Variants in DGCR8 observed in about 807,000 individuals in gnomAD.
The protein encoded by DGCR8 is DGCR8 microprocessor complex subunit, also known as microprocessor complex subunit DGCR8.
Under a neutral mutation model 78.5 loss-of-function variants are expected in DGCR8, and 14 were observed. That is an observed-to-expected ratio of 0.18 (90% confidence interval 0.12 to 0.28). The LOEUF (loss-of-function observed/expected upper bound fraction) is 0.28. Among genes scored for constraint, DGCR8 ranks in the 10% least tolerant of loss-of-function variants. The pLI, the probability that DGCR8 is intolerant of heterozygous loss-of-function variation, is 1.00. For synonymous variants in DGCR8, 399 were observed against 402.4 expected, an observed-to-expected ratio of 0.99 and a Z score of 0.10; for missense variants, 702 against 1,022.5, an observed-to-expected ratio of 0.69 and a Z score of 4.28.
chr22:20,083,303 C>A (rs61326930), intron 1 of DGCR8, among the ~76,000 whole-genome samples: 94 of 151,550 alleles, frequency 6.2e-4, no homozygotes, highest in African/African-American at 2.3e-3. Flanking sequence ...TCCATCTCCC[C>A]CACTAAAATG....
Position 20,100,850 on chromosome 22 carries a change from A to G in DGCR8, c.1789-5327A>G, listed in dbSNP as rs544096915. 4.0e-5 allele frequency: 39 copies of G among 983,310 alleles called. No homozygotes were observed. In the South Asian group the frequency reaches 1.4e-3, roughly 34 times the overall value. 60.9% of individuals were successfully genotyped at this position (983,310 alleles called of 1,614,324 possible). On this transcript the variant is annotated intron_variant, in intron 9 of 13. Transcript: ENST00000351989. ...CTGCAGCCTGTCTGGAGCTAGCGTC[A>G]TATCTCCCCAGGTAAGGAGCTCAGT...
At position 20,106,215 on chromosome 22, in the gene DGCR8, C is replaced by T. The variant is rs145970507; in HGVS notation, c.1827C>T (p.Tyr609=). 2.1e-5 allele frequency: 34 copies of T among 1,613,932 alleles called. No individual in the cohort carries two copies. Among genetic ancestry groups the T allele is most frequent in the Admixed American group, 6.7e-5 (4 of 60,014 alleles). ...TCAGCATCGAGGACTCGCGGGTCTA[C>T]GAGCTGACCAGCAAGGCTGGGCTGT... ...NHISIEDSRV[Y]ELTSKAGLLS... Residue 609 remains tyrosine (Y), a synonymous_variant, in exon 10 of 14, where the codon TAC becomes TAT. Coordinates refer to ENST00000351989, the MANE Select transcript of DGCR8 (RefSeq NM_022720.7).
In DGCR8 at chr22:20,080,430, C is replaced by T. The variant is rs1378208603; in HGVS notation, c.-278+47C>T. 9.2e-6 allele frequency: 9 copies of T among 978,794 alleles called. No homozygotes were observed. The Admixed American group carries it at 3.1e-4, about 34-fold the overall frequency. The allele number at this position is 978,794 out of a possible 1,614,324, so 60.6% of individuals were successfully genotyped here. On this transcript the variant is annotated intron_variant, in intron 1 of 13. Transcript: ENST00000351989. ...CGCCCGCGGGCGGTTGGGCGGGCGCCGCGGCCTGCGCGAGGGCGCGCCCTT... is the reference window on the plus strand; with the variant it reads ...CGCCCGCGGGCGGTTGGGCGGGCGCTGCGGCCTGCGCGAGGGCGCGCCCTT...
chr22:20,096,706 C>A (rs2049632685), intron 9 of DGCR8, among the ~76,000 whole-genome samples: 1 of 152,188 alleles, frequency 6.6e-6, no homozygotes, highest in Admixed American at 6.5e-5. Context: ...AGCCACTAAT[C>A]TGCTTTCTGT....
Position 20,080,356 on chromosome 22 carries a change from C to T in DGCR8, c.-305C>T. The T allele has an allele frequency of 2.0e-6, 2 of 980,226 alleles. No homozygotes were observed. Among genetic ancestry groups the T allele is most frequent in the Non-Finnish European group, 2.4e-6 (2 of 827,970 alleles). 60.7% of individuals were successfully genotyped at this position (980,226 alleles called of 1,614,324 possible). A position where few individuals can be genotyped will look rare whatever the true frequency, so the allele number is the denominator to read the frequency against. On this transcript the variant is annotated 5_prime_UTR_variant, in exon 1 of 14. Transcript: ENST00000351989. Reference sequence around the variant, plus strand: ...TTCCCGGCTGTGGTTTGGCTGCGGGCGGCTTGGGCAGCCCGCGGGCGCCTC... The same window carrying T: ...TTCCCGGCTGTGGTTTGGCTGCGGGTGGCTTGGGCAGCCCGCGGGCGCCTC...
At chr22:20,100,178 T>C (rs1352322530) in intron 9 of DGCR8, 1 of 188,266 alleles carries the variant, frequency 5.3e-6, no homozygotes, top group East Asian at 1.9e-4. Context: ...GCGATTCTTC[T>C]GCCTCAGCCT....
chr22:20,109,990 C>G, intron 13 of DGCR8, 35 bp from the exon 14 acceptor site: 2 of 1,608,482 alleles, frequency 1.2e-6, no homozygotes, highest in Non-Finnish European at 1.7e-6. Context: ...CCAAGCCCAC[C>G]TCACTGGTAC....
At position 20,104,412 on chromosome 22, in the gene DGCR8, C is replaced by T. The variant is rs1285767087; in HGVS notation, c.1789-1765C>T. Among the ~76,000 whole-genome samples the T allele has an allele frequency of 2.6e-5, 4 of 152,138 alleles. No homozygotes were observed. The East Asian group carries it at 7.7e-4, about 29-fold the overall frequency. ...TCGATCTCCTGACCTCGTGATCCAC[C>T]CGCCTCGGCCTCCCAAAGTGCTGGG... On this transcript the variant is annotated intron_variant, in intron 9 of 13. Coordinates refer to ENST00000351989, the MANE Select transcript of DGCR8 (RefSeq NM_022720.7).
chr22:20,109,051 T>G, intron 13 of DGCR8, 48 bp downstream of exon 13: 1 of 987,120 alleles, frequency 1.0e-6, no homozygotes, highest in East Asian at 2.4e-5. Context: ...GCCATTCCTG[T>G]GGCACCTGTG....
At chr22:20,088,765 A>G (rs1013459827) in intron 3 of DGCR8, among the ~76,000 whole-genome samples, 2 of 151,350 alleles carry the variant, frequency 1.3e-5, no homozygotes, top group South Asian at 2.1e-4. Flanking sequence ...TTTTCCCCTT[A>G]TGTATATTTT....
intron 1 of DGCR8, among the ~76,000 whole-genome samples, chr22:20,082,668 A>G (rs1303132326): frequency 2.0e-5 from 3 of 152,194 alleles, no homozygotes; most frequent in African/African-American, 7.2e-5. Context: ...CGCCCGGCCC[A>G]GAGTGGTTCT....
At chr22:20,093,359 C>G (rs760888629) in intron 8 of DGCR8, among the ~76,000 whole-genome samples, 2 of 151,622 alleles carry the variant, frequency 1.3e-5, no homozygotes, top group African/African-American at 4.9e-5. Context: ...GAGCTGAGAT[C>G]GTGCCACTGC....
At chr22:20,098,126 C>CAAAA (rs202130331) in intron 9 of DGCR8, among the ~76,000 whole-genome samples, 26 of 100,062 alleles carry the variant, frequency 2.6e-4, no homozygotes, top group Non-Finnish European at 4.6e-4. Flanking sequence ...ACTCCTGTCT[C>CAAAA]AAAAAAAAAA....
chr22:20,104,206 G>A (rs1217808035), intron 9 of DGCR8, among the ~76,000 whole-genome samples: 2 of 149,314 alleles, frequency 1.3e-5, no homozygotes, highest in South Asian at 2.2e-4. Flanking sequence ...CGCCCAGGCC[G>A]GACTGCGGAC....
intron 1 of DGCR8, chr22:20,080,681 G>A (rs2049408057): frequency 5.4e-6 from 1 of 185,692 alleles, no homozygotes; most frequent in Non-Finnish European, 1.0e-5. Flanking sequence ...CTTCAGGCGG[G>A]AAAGGTGTGG....
chr22:20,092,531 G>A (rs2049577812), intron 7 of DGCR8, among the ~76,000 whole-genome samples: 1 of 152,152 alleles, frequency 6.6e-6, no homozygotes, highest in Non-Finnish European at 1.5e-5. Flanking sequence ...CTTGGTCCCT[G>A]TCGTAGGAGG....
intron 9 of DGCR8, among the ~76,000 whole-genome samples, chr22:20,098,154 AAT>A (rs758506375): frequency 1.3e-5 from 2 of 150,164 alleles, no homozygotes; most frequent in Non-Finnish European, 3.0e-5. Context: ...AAAGAAAAAA[AAT>A]ATATATATAT....
At chr22:20,095,215 C>T (rs2049614096) in intron 9 of DGCR8, among the ~76,000 whole-genome samples, 1 of 152,132 alleles carries the variant, frequency 6.6e-6, no homozygotes, top group South Asian at 2.1e-4. Context: ...AAGTGATTCT[C>T]CCACCTCAGC....
rs946911473 is a variant in DGCR8, at chr22:20,111,185, G to A, written c.*1077G>A. 17 of 398,704 alleles carry A rather than the reference G, an allele frequency of 4.3e-5. No homozygotes were observed. Among genetic ancestry groups the A allele is most frequent in the Admixed American group, 8.8e-5 (2 of 22,718 alleles). The allele number at this position is 398,704 out of a possible 1,614,324, so 24.7% of individuals were successfully genotyped here. A position where few individuals can be genotyped will look rare whatever the true frequency, so the allele number is the denominator to read the frequency against. ...TGGTGGCCCCTATGGGTGGGTGTGC[G>A]ATGGAAATGTGTTCCTGCCGGAGTC... On this transcript the variant is annotated 3_prime_UTR_variant, in exon 14 of 14. Transcript: ENST00000351989.
Sources: allele counts gnomAD v4.1 joint callset (sites outside exome capture counted in the v4.1 genomes callset), GRCh38; gene constraint gnomAD v4.1.1; transcripts MANE v1.5; gene names NCBI Gene and HGNC (gene_info 2026-07-23, HGNC 2026-07-21).